Variants in DLGAP2 observed in about 807,000 individuals in gnomAD.
The protein encoded by DLGAP2 is disks large-associated protein 2.
A neutral mutation model predicts 100.3 loss-of-function variants in DLGAP2; 26 were observed. The observed-to-expected ratio is 0.26, with a 90% CI of 0.19 to 0.36. The LOEUF (loss-of-function observed/expected upper bound fraction) is 0.36. DLGAP2 is among the 10% of genes least tolerant of loss of function. The pLI, the probability that DLGAP2 is intolerant of heterozygous loss-of-function variation, is 1.00. For synonymous variants in DLGAP2, 886 were observed against 630.1 expected (o/e 1.41, Z -6.08); for missense variants, 1,858 against 1,453.2 (o/e 1.28, Z -4.53).
At chr8:1,609,866 G>A (rs374512415) in intron 6 of DLGAP2, among the ~76,000 whole-genome samples, 155 of 148,904 alleles carry the variant, frequency 1.0e-3, no homozygotes, top group African/African-American at 3.4e-3. Context: ...CACCCAATAC[G>A]GGAGCACCCA....
intron 1 of DLGAP2, among the ~76,000 whole-genome samples, chr8:849,815 C>T (rs936342979): frequency 3.3e-5 from 5 of 152,184 alleles, no homozygotes; most frequent in Admixed American, 6.5e-5. Flanking sequence ...CGGTGGCTCA[C>T]ACCTGAAATC....
intron 3 of DLGAP2, among the ~76,000 whole-genome samples, chr8:1,472,718 T>C (rs964783211): frequency 6.6e-6 from 1 of 152,168 alleles, no homozygotes; most frequent in Non-Finnish European, 1.5e-5. Flanking sequence ...CTGCAGAAAG[T>C]TAACCCTATC....
chr8:1,195,883 C>T (rs534100228), intron 2 of DLGAP2, among the ~76,000 whole-genome samples: 4 of 152,264 alleles, frequency 2.6e-5, no homozygotes, highest in South Asian at 2.1e-4. Context: ...TTTTCTTAAC[C>T]GAAGTTTTTA....
chr8:1,555,474 TC>T (rs1246046638), intron 5 of DLGAP2, among the ~76,000 whole-genome samples: 3 of 151,728 alleles, frequency 2.0e-5, no homozygotes, highest in Admixed American at 6.6e-5. Flanking sequence ...GGCCACCGCT[TC>T]CCCCCGGCCC....
intron 2 of DLGAP2, among the ~76,000 whole-genome samples, chr8:1,102,118 C>T (rs74304020): frequency 0.12 from 17,577 of 150,856 alleles, 1,042 homozygotes; most frequent in East Asian, 0.19. Context: ...ATATGACACA[C>T]ATTTTATTCA....
intron 3 of DLGAP2, among the ~76,000 whole-genome samples, chr8:1,345,396 TC>T (rs1280109952): frequency 6.6e-6 from 1 of 152,216 alleles, no homozygotes; most frequent in Non-Finnish European, 1.5e-5. Flanking sequence ...GCATGTAGTT[TC>T]CCCCATTTTG....
At chr8:1,590,419 C>A (rs116067810) in intron 6 of DLGAP2, among the ~76,000 whole-genome samples, 1 of 152,286 alleles carries the variant, frequency 6.6e-6, no homozygotes, top group East Asian at 1.9e-4. Flanking sequence ...TGGCTTTTCT[C>A]TTCCGGAATG....
chr8:898,619 C>T (rs187404894), intron 1 of DLGAP2, among the ~76,000 whole-genome samples: 216 of 151,900 alleles, frequency 1.4e-3, no homozygotes, highest in Middle Eastern at 6.8e-3. Context: ...TGGGACTCCG[C>T]GTGCTTCCAG....
intron 3 of DLGAP2, among the ~76,000 whole-genome samples, chr8:1,385,842 T>C (rs1198593488): frequency 6.2e-4 from 63 of 101,302 alleles, no homozygotes; most frequent in Middle Eastern, 8.5e-3. Context: ...GGCCTATGCC[T>C]GTCCCCTGAG....
intron 1 of DLGAP2, among the ~76,000 whole-genome samples, chr8:899,090 C>G (rs1191058610): frequency 6.6e-6 from 1 of 152,216 alleles, no homozygotes; most frequent in Non-Finnish European, 1.5e-5. Flanking sequence ...GGCAGCTCAT[C>G]CCAGTGCTGG....
intron 1 of DLGAP2, chr8:738,818 G>C (rs1196689499): frequency 1.3e-5 from 2 of 152,514 alleles, no homozygotes; most frequent in Admixed American, 6.5e-5. Flanking sequence ...AGGAGAGATA[G>C]CTGGGCGAGG....
intron 2 of DLGAP2, among the ~76,000 whole-genome samples, chr8:1,097,515 C>A (rs6986216): frequency 8.6e-5 from 9 of 104,652 alleles, no homozygotes; most frequent in South Asian, 6.5e-4. Flanking sequence ...GGAGAGGTCC[C>A]CTCCAGCGTG....
At chr8:1,102,863 GAGTC>G (rs1401248643) in intron 2 of DLGAP2, among the ~76,000 whole-genome samples, 1 of 152,038 alleles carries the variant, frequency 6.6e-6, no homozygotes, top group African/African-American at 2.4e-5. Context: ...GGGTCTTTGT[GAGTC>G]TCTGGGGTCT....
At chr8:1,382,857 C>T (rs1796128002) in intron 3 of DLGAP2, among the ~76,000 whole-genome samples, 1 of 152,136 alleles carries the variant, frequency 6.6e-6, no homozygotes, top group African/African-American at 2.4e-5. Context: ...TAGTATATCC[C>T]CCCCAAAAAA....
intron 3 of DLGAP2, among the ~76,000 whole-genome samples, chr8:1,387,794 G>A (rs1796254003): frequency 6.6e-6 from 1 of 152,176 alleles, no homozygotes. Context: ...CCTCACCTGT[G>A]CCACAATCGG....
At chr8:1,192,821 A>C (rs1357341535) in intron 2 of DLGAP2, among the ~76,000 whole-genome samples, 108 of 139,870 alleles carry the variant, frequency 7.7e-4, no homozygotes, top group African/African-American at 1.3e-3. Context: ...ATCCCTCCCC[A>C]CTCCCCCCAC....
At chr8:1,550,050 C>G (rs1285800011) in intron 5 of DLGAP2, among the ~76,000 whole-genome samples, 1 of 152,196 alleles carries the variant, frequency 6.6e-6, no homozygotes, top group Non-Finnish European at 1.5e-5. Flanking sequence ...CCTCTGGTAA[C>G]CACGGTTCCA....
intron 1 of DLGAP2, among the ~76,000 whole-genome samples, chr8:891,063 C>A (rs1368068927): frequency 6.6e-6 from 1 of 151,956 alleles, no homozygotes; most frequent in Non-Finnish European, 1.5e-5. Flanking sequence ...GTGGCATCCT[C>A]TTCTGGCTCC....
At chr8:1,139,794 GCT>G (rs1017963897) in intron 2 of DLGAP2, among the ~76,000 whole-genome samples, 1 of 152,092 alleles carries the variant, frequency 6.6e-6, no homozygotes, top group African/African-American at 2.4e-5. Flanking sequence ...GGTCCCAGGG[GCT>G]CTCTCAGCAC....
Sources: gnomAD v4.1 joint callset for allele counts (sites outside exome capture counted in the v4.1 genomes callset) on GRCh38, gnomAD v4.1.1 for gene constraint, MANE v1.5 for transcripts, NCBI Gene and HGNC (gene_info 2026-07-23, HGNC 2026-07-21) for gene names.